GAB2: variants seen among roughly 807,000 people sequenced by gnomAD.
The protein encoded by GAB2 is GRB2-associated-binding protein 2.
Under a neutral mutation model 65.5 loss-of-function variants are expected in GAB2, and 26 were observed. The observed-to-expected ratio is 0.40, with a 90% confidence interval of 0.29 to 0.55. GAB2 has a LOEUF of 0.55. Ranked by LOEUF, GAB2 falls within the 20% of genes least tolerant of loss-of-function variation. GAB2 has a pLI of 0.53. For missense variants in GAB2, 884 were observed against 875.8 expected, an observed-to-expected ratio of 1.01 and a Z score of -0.12; for synonymous variants, 321 against 329.6, an observed-to-expected ratio of 0.97 and a Z score of 0.28.
At chr11:78,398,322 A>T (rs1286640694) in intron 1 of GAB2, among the ~76,000 whole-genome samples, 1 of 152,224 alleles carries the variant, frequency 6.6e-6, no homozygotes, top group Non-Finnish European at 1.5e-5. Flanking sequence ...CACCTATATG[A>T]CATGACAGGC....
chr11:78,417,279 G>A (rs1857210682), intron 1 of GAB2, among the ~76,000 whole-genome samples: 1 of 151,878 alleles, frequency 6.6e-6, no homozygotes, highest in African/African-American at 2.4e-5. Flanking sequence ...CCTGCGGGCT[G>A]AAGCTGCTCG....
chr11:78,268,735 TAAA>T (rs530276951), intron 2 of GAB2, among the ~76,000 whole-genome samples: 19 of 127,676 alleles, frequency 1.5e-4, no homozygotes, highest in Non-Finnish European at 1.3e-4. Flanking sequence ...GTCTGGTATT[TAAA>T]AAAAAAAAAA....
intron 1 of GAB2, among the ~76,000 whole-genome samples, chr11:78,301,573 T>C (rs1304120812): frequency 6.6e-6 from 1 of 152,176 alleles, no homozygotes; most frequent in Admixed American, 6.5e-5. Flanking sequence ...CTTCAGGTGA[T>C]CTGCCCACCT....
At chr11:78,256,084 TAAAAC>T (rs143462227) in intron 2 of GAB2, among the ~76,000 whole-genome samples, 3,862 of 152,266 alleles carry the variant, frequency 0.025, 136 homozygotes, top group African/African-American at 0.087. Flanking sequence ...AGGATTGAAT[TAAAAC>T]ACAAACACCA....
intron 1 of GAB2, among the ~76,000 whole-genome samples, chr11:78,381,465 G>T (rs1036723728): frequency 6.6e-6 from 1 of 152,184 alleles, no homozygotes; most frequent in Non-Finnish European, 1.5e-5. Context: ...CTAAGGCAGA[G>T]TAAGAACTTA....
chr11:78,225,888 G>C (rs1864629074), intron 4 of GAB2, among the ~76,000 whole-genome samples: 1 of 152,192 alleles, frequency 6.6e-6, no homozygotes, highest in South Asian at 2.1e-4. Context: ...CAAAATGAAA[G>C]GAATTAATAT....
chr11:78,349,064 T>C (rs1419874886), intron 1 of GAB2, among the ~76,000 whole-genome samples: 1 of 152,224 alleles, frequency 6.6e-6, no homozygotes, highest in Non-Finnish European at 1.5e-5. Context: ...AGGAATCTTT[T>C]GGGGATGATG....
intron 4 of GAB2, 99 bp from the exon 5 acceptor site, chr11:78,225,301 C>G: frequency 1.4e-6 from 1 of 726,732 alleles, no homozygotes; most frequent in Non-Finnish European, 2.4e-6. Flanking sequence ...TACTGATACT[C>G]CAGAAGATAC....
intron 1 of GAB2, among the ~76,000 whole-genome samples, chr11:78,384,101 C>T (rs1285473020): frequency 1.3e-5 from 2 of 152,200 alleles, no homozygotes; most frequent in African/African-American, 4.8e-5. Flanking sequence ...TTGTACCAAA[C>T]CTGCACTCTC....
chr11:78,312,993 T>G (rs1224326270), intron 1 of GAB2, among the ~76,000 whole-genome samples: 3 of 152,136 alleles, frequency 2.0e-5, no homozygotes, highest in African/African-American at 7.2e-5. Context: ...CATGATATAC[T>G]GTTTCATGTT....
At chr11:78,358,516 A>G (rs1856392431) in intron 1 of GAB2, among the ~76,000 whole-genome samples, 1 of 150,490 alleles carries the variant, frequency 6.6e-6, no homozygotes, top group South Asian at 2.1e-4. Context: ...GTCTTTCCTA[A>G]AAGTCTGTAA....
At chr11:78,235,836 T>C (rs1333102669) in intron 3 of GAB2, among the ~76,000 whole-genome samples, 1 of 152,220 alleles carries the variant, frequency 6.6e-6, no homozygotes, top group Non-Finnish European at 1.5e-5. Flanking sequence ...CCTGTCTTCT[T>C]CTGAGCCCTC....
At chr11:78,355,584 G>A (rs1043496705) in intron 1 of GAB2, among the ~76,000 whole-genome samples, 4 of 145,630 alleles carry the variant, frequency 2.7e-5, no homozygotes, top group African/African-American at 1.0e-4. Context: ...GGCTGAGACA[G>A]TAACATCACT....
intron 1 of GAB2, among the ~76,000 whole-genome samples, chr11:78,328,720 G>A (rs904955180): frequency 1.6e-5 from 2 of 123,656 alleles, no homozygotes; most frequent in East Asian, 2.6e-4. Context: ...TCTAAAACAG[G>A]CAAAACTAAT....
chr11:78,266,214 C>CAAAAAAAA lies in GAB2; in HGVS notation c.376+14379_376+14386dup, dbSNP rs11445907. Among the ~76,000 whole-genome samples the CAAAAAAAA allele has an allele frequency of 4.3e-4, 28 of 65,030 alleles. 2 individuals carry two copies. The highest frequency in any genetic ancestry group is 2.9e-3 in the South Asian group (3 of 1,052). The allele number at this position is 65,030 out of a possible 152,430, so 42.7% of individuals were successfully genotyped here. ...TGGGTGACAGAGCGAGACTCCATCT[C>CAAAAAAAA]AAAAAAAAAAAAAAAAAAAAAAAAT... On this transcript the variant is annotated intron_variant, in intron 2 of 9. Coordinates refer to ENST00000361507, the MANE Select transcript of GAB2 (RefSeq NM_080491.3).
chr11:78,221,644 A>T (rs745696170), intron 8 of GAB2, 33 bp downstream of exon 8: 1 of 1,390,340 alleles, frequency 7.2e-7, no homozygotes, highest in South Asian at 1.2e-5. Context: ...GGGACTTGAA[A>T]GGCGTCATTC....
At chr11:78,383,389 T>C (rs1335152359) in intron 1 of GAB2, among the ~76,000 whole-genome samples, 1 of 151,872 alleles carries the variant, frequency 6.6e-6, no homozygotes, top group African/African-American at 2.4e-5. Context: ...AATTCATTAA[T>C]TCAAACACTG....
At chr11:78,290,726 C>T (rs562282141) in intron 1 of GAB2, among the ~76,000 whole-genome samples, 4 of 152,184 alleles carry the variant, frequency 2.6e-5, no homozygotes, top group East Asian at 3.9e-4. Context: ...TGTGGAAGAG[C>T]GATTTGATTT....
intron 3 of GAB2, among the ~76,000 whole-genome samples, chr11:78,249,738 G>A (rs1282508070): frequency 6.6e-6 from 1 of 152,074 alleles, no homozygotes; most frequent in Non-Finnish European, 1.5e-5. Flanking sequence ...ACATATGCAG[G>A]TAGTAGCTAC....
Sources: allele counts gnomAD v4.1 joint callset (sites outside exome capture counted in the v4.1 genomes callset), GRCh38; gene constraint gnomAD v4.1.1; transcripts MANE v1.5; gene names NCBI Gene and HGNC (gene_info 2026-07-23, HGNC 2026-07-21).